Variants in GFPT2 observed in about 807,000 individuals in gnomAD.
The protein encoded by GFPT2 is glutamine--fructose-6-phosphate aminotransferase [isomerizing] 2.
A neutral mutation model predicts 85.6 loss-of-function variants in GFPT2; 62 were observed. The ratio of observed to expected loss-of-function variants is 0.72; its 90% CI spans 0.59 to 0.90. GFPT2 has a LOEUF of 0.90. Ranked by LOEUF, GFPT2 falls within the 40% of genes least tolerant of loss-of-function variation. GFPT2 has a pLI of 0.00. For missense variants in GFPT2, 788 were observed against 893.4 expected, an observed-to-expected ratio of 0.88 and a Z score of 1.50; for synonymous variants, 368 against 344.5, an observed-to-expected ratio of 1.07 and a Z score of -0.75.
intron 15 of GFPT2, 51 bp downstream of exon 15, chr5:180,312,379 G>C (rs372123792): frequency 1.1e-6 from 1 of 938,864 alleles, no homozygotes; most frequent in Non-Finnish European, 1.8e-6. Flanking sequence ...AGAATGGCCA[G>C]CAACAGTCCA....
chr5:180,330,555 T>C lies in GFPT2; in HGVS notation c.534+145A>G. 1 of 653,742 alleles carries C rather than the reference T, an allele frequency of 1.5e-6. No homozygotes were observed. Among genetic ancestry groups the C allele is most frequent in the Non-Finnish European group, 2.6e-6 (1 of 377,534 alleles). The allele number at this position is 653,742 out of a possible 1,614,324, so 40.5% of individuals were successfully genotyped here. A position where few individuals can be genotyped will look rare whatever the true frequency, so the allele number is the denominator to read the frequency against. ...TTAAGGCCAGGCTCTGCAGATGGGC[T>C]GTCTTTTATCCCCAGGACTCTGTGC... On this transcript the variant is annotated intron_variant, in intron 6 of 18. Coordinates refer to ENST00000253778, the MANE Select transcript of GFPT2 (RefSeq NM_005110.4). This position sits in a 1 kb window ranked among gnomAD's most constrained non-coding sequence, Gnocchi z 4.4.
chr5:180,308,031 C>T (rs149561772), intron 15 of GFPT2, among the ~76,000 whole-genome samples: 26,660 of 151,358 alleles, frequency 0.18, 2,931 homozygotes, highest in Non-Finnish European at 0.25. Flanking sequence ...CTGGGGCAGG[C>T]GGATCACGAG....
intron 1 of GFPT2, among the ~76,000 whole-genome samples, chr5:180,343,787 G>T (rs1445576701): frequency 1.3e-5 from 2 of 152,228 alleles, no homozygotes; most frequent in African/African-American, 4.8e-5. Context: ...AAAAGCTACA[G>T]TGAGAATCCA....
At position 180,338,532 on chromosome 5, in the gene GFPT2, C is replaced by T; in HGVS notation, c.76G>A (p.Gly26Ser). The T allele has an allele frequency of 2.5e-6, 4 of 1,612,558 alleles. No individual in the cohort carries two copies. The highest frequency in any genetic ancestry group is 3.4e-6 in the Non-Finnish European group (4 of 1,178,600). The change falls in exon 2 of 19, where the codon GGC becomes AGC. Residue 26 changes from glycine to serine, a missense_variant. Physicochemically the swap from Gly to Ser is moderately conservative, Grantham distance 56 (BLOSUM62 0). Transcript: ENST00000253778. ...RKEIFETLIK[G>S]LQRLEYRGYD... ...CCTCTGTACTCCAGCCGCTGCAGGC[C>T]CTTGATGAGGGTTTCGAAGATCTCC...
chr5:180,302,162 T>C lies in GFPT2; in HGVS notation c.2004+261A>G, dbSNP rs200281846. ...ATTAGCCAGGCATGGTGGCGGGTGCTTGTAGTCCCAGCTACTCGGGAGGCT... is the reference window on the plus strand; with the variant it reads ...ATTAGCCAGGCATGGTGGCGGGTGCCTGTAGTCCCAGCTACTCGGGAGGCT... On this transcript the variant is annotated intron_variant, in intron 18 of 18. Transcript: ENST00000253778. Among the ~76,000 whole-genome samples, 6 of 150,454 alleles carry C rather than the reference T, an allele frequency of 4.0e-5. No homozygotes were observed. In the South Asian group the frequency reaches 6.4e-4, roughly 16 times the overall value.
chr5:180,303,754 G>A (rs1031356763), intron 17 of GFPT2, among the ~76,000 whole-genome samples: 3 of 152,166 alleles, frequency 2.0e-5, no homozygotes, highest in African/African-American at 2.4e-5. Flanking sequence ...CTTTGTGGCC[G>A]GTTCCAGGAA....
At chr5:180,311,247 C>A (rs1763875790) in intron 15 of GFPT2, among the ~76,000 whole-genome samples, 1 of 152,210 alleles carries the variant, frequency 6.6e-6, no homozygotes, top group Non-Finnish European at 1.5e-5. Context: ...TGGGGCGAGG[C>A]TCGATTCATC....
chr5:180,303,118 T>C (rs1763711378), intron 17 of GFPT2, among the ~76,000 whole-genome samples: 1 of 144,972 alleles, frequency 6.9e-6, no homozygotes, highest in South Asian at 2.2e-4. Context: ...TAGTCCCAGC[T>C]ACTGGGGAGG....
intron 1 of GFPT2, among the ~76,000 whole-genome samples, chr5:180,351,274 G>A (rs1764705842): frequency 6.6e-6 from 1 of 152,180 alleles, no homozygotes; most frequent in Non-Finnish European, 1.5e-5. Flanking sequence ...CTTCCCCTCT[G>A]CACAGGATAC....
rs1764010148 is a variant in GFPT2, at chr5:180,316,381, A to C, written c.1233T>G (p.Pro411=). Residue 411 remains proline (P), a synonymous_variant, in exon 13 of 19, where the codon CCT becomes CCG. Transcript: ENST00000253778. ...LASDFLDRNT[P]VFRDDVCFFI... is the part of the protein sequence containing the mutation. ...AAAAGCAAACGTCATCCCTGAACAC[A>C]GGTGTGTTCCTGTCCAGAAAATCAC... 2 of 1,613,964 alleles carry C rather than the reference A, an allele frequency of 1.2e-6. No homozygotes were observed. Among genetic ancestry groups the C allele is most frequent in the South Asian group, 2.2e-5 (2 of 91,082 alleles).
intron 9 of GFPT2, among the ~76,000 whole-genome samples, chr5:180,322,896 C>T (rs1458912818): frequency 1.3e-5 from 2 of 151,976 alleles, no homozygotes; most frequent in African/African-American, 2.4e-5. Context: ...ATTAGCCGGG[C>T]GTGGTGGCGG....
chr5:180,316,583 C>A, intron 12 of GFPT2, 122 bp from the exon 13 acceptor site: 1 of 1,125,680 alleles, frequency 8.9e-7, no homozygotes, highest in Non-Finnish European at 1.3e-6. Context: ...GGCGAGGGGA[C>A]TTCGGTCACC....
At chr5:180,315,146 TG>T (rs1291152497) in intron 13 of GFPT2, among the ~76,000 whole-genome samples, 2 of 152,140 alleles carry the variant, frequency 1.3e-5, no homozygotes, top group African/African-American at 4.8e-5. Context: ...ATTTTAGTTG[TG>T]GTAGTAACAC....
chr5:180,336,456 C>A (rs1362278158), intron 3 of GFPT2, 23 bp downstream of exon 3: 2 of 1,316,674 alleles, frequency 1.5e-6, no homozygotes. Flanking sequence ...GCGGCTCCTC[C>A]CACTCAGAGG....
intron 9 of GFPT2, among the ~76,000 whole-genome samples, chr5:180,320,015 C>CA (rs2127651011): frequency 6.6e-6 from 1 of 152,246 alleles, no homozygotes; most frequent in African/African-American, 2.4e-5. Flanking sequence ...TATTTTGAGA[C>CA]AGAGTCTCGC....
chr5:180,349,029 C>T (rs934871080), intron 1 of GFPT2, among the ~76,000 whole-genome samples: 3 of 151,806 alleles, frequency 2.0e-5, no homozygotes, highest in Non-Finnish European at 2.9e-5. Context: ...TGTGAGTCCC[C>T]GTGCCCGGCC....
At chr5:180,319,691 A>C (rs529843495) in intron 9 of GFPT2, among the ~76,000 whole-genome samples, 7 of 152,230 alleles carry the variant, frequency 4.6e-5, no homozygotes, top group Non-Finnish European at 8.8e-5. Flanking sequence ...AAAAAGAGAG[A>C]TGGTGAGACA....
rs1764259716 is a variant in GFPT2 at position 180,328,990 on chromosome 5, T to C, written c.535-652A>G. On this transcript the variant is annotated intron_variant, in intron 6 of 18. Transcript: ENST00000253778. The surrounding 1 kb of genome is among the most constrained non-coding windows in gnomAD (Gnocchi z 5.4). ...TGCCCTCTGGGCCTCAGCTGGTTGG[T>C]TTGTGCAAAGCCAGAACTAGAATCC... is the stretch of plus-strand genomic sequence containing the variant. 2.0e-5 allele frequency among the ~76,000 whole-genome samples: 3 copies of C among 152,226 alleles called. No homozygotes were observed. Among genetic ancestry groups the C allele is most frequent in the Admixed American group, 2.0e-4 (3 of 15,286 alleles).
Position 180,316,781 on chromosome 5 carries a change from A to G in GFPT2, c.1135T>C (p.Tyr379His). 6.2e-7 allele frequency: 1 copy of G among 1,612,928 alleles called. No individual in the cohort carries two copies. The highest frequency in any genetic ancestry group is 8.5e-7 in the Non-Finnish European group (1 of 1,178,898). ...RLIVIGCGTSYHAAVATRQVL... is the reference protein window; with the variant it reads ...RLIVIGCGTSHHAAVATRQVL... ...ACACTTACAGCCACGGCAGCGTGGT[A>G]GCTGGTTCCACAGCCAATCACGATG... Residue 379 changes from tyrosine (Y) to histidine (H), a missense_variant, in exon 12 of 19, where the codon TAC (tyrosine) becomes CAC (histidine). Physicochemically the swap from Tyr to His is moderately conservative, Grantham distance 83. Transcript: ENST00000253778.
Sources: allele counts gnomAD v4.1 joint callset (sites outside exome capture counted in the v4.1 genomes callset), GRCh38; gene constraint gnomAD v4.1.1; non-coding constraint Gnocchi (gnomAD v3.1); transcripts MANE v1.5; gene names NCBI Gene and HGNC (gene_info 2026-07-23, HGNC 2026-07-21).